Variants in CIMAP2 observed in about 807,000 individuals in gnomAD.
CIMAP2 encodes the protein ciliary microtubule-associated protein 2.
chr1:54,836,143 G>T, the CIMAP2 span, among the ~76,000 whole-genome samples: 1 of 151,998 alleles, frequency 6.6e-6, no homozygotes, highest in Non-Finnish European at 1.5e-5. Flanking sequence ...GGTGGTTGCC[G>T]TTGAGACTGT....
chr1:54,811,765 G>GCCGGGGGGGGGGGGGGGCCCC, the CIMAP2 span: 2 of 1,301,328 alleles, frequency 1.5e-6, no homozygotes, highest in East Asian at 2.5e-5. Context: ...GGTTCTGACA[G>GCCGGGGGGGGGGGGGGGCCCC]CCTCCATGCC....
At chr1:54,821,597 C>T in the CIMAP2 span, among the ~76,000 whole-genome samples, 2 of 152,034 alleles carry the variant, frequency 1.3e-5, no homozygotes, top group Non-Finnish European at 2.9e-5. Context: ...TTGCAGTTTC[C>T]ATTATAGAGG....
the CIMAP2 span, among the ~76,000 whole-genome samples, chr1:54,835,822 G>A: frequency 6.6e-6 from 1 of 151,732 alleles, no homozygotes; most frequent in Non-Finnish European, 1.5e-5. Context: ...GTCGGGCCCA[G>A]GACTTCTCTC....
chr1:54,841,988 C>A, the CIMAP2 span: 4 of 1,081,354 alleles, frequency 3.7e-6, no homozygotes, highest in Non-Finnish European at 4.1e-6. Context: ...GACACATGGG[C>A]TTGGGAGAGG....
the CIMAP2 span, among the ~76,000 whole-genome samples, chr1:54,831,123 G>A: frequency 1.3e-5 from 2 of 151,986 alleles, no homozygotes; most frequent in Admixed American, 6.6e-5. Flanking sequence ...AGACAATCAG[G>A]CATATTTCAT....
chr1:54,811,765 G>GGGGGGGGGGGGGGGCCCCCCC, the CIMAP2 span: 1 of 1,301,332 alleles, frequency 7.7e-7, no homozygotes, highest in Non-Finnish European at 1.1e-6. Context: ...GGTTCTGACA[G>GGGGGGGGGGGGGGGCCCCCCC]CCTCCATGCC....
chr1:54,811,833 A>G, the CIMAP2 span: 1 of 1,514,636 alleles, frequency 6.6e-7, no homozygotes. Context: ...GGAGAAGGGT[A>G]ACCCATACAC....
At chr1:54,825,610 C>G in the CIMAP2 span, among the ~76,000 whole-genome samples, 16 of 151,978 alleles carry the variant, frequency 1.1e-4, no homozygotes, top group Non-Finnish European at 2.9e-5. Flanking sequence ...TATGTCAGTC[C>G]TTGGGCCCCT....
the CIMAP2 span, chr1:54,817,020 C>A: frequency 6.2e-7 from 1 of 1,614,198 alleles, no homozygotes; most frequent in Non-Finnish European, 8.5e-7. Context: ...TACCTCAACA[C>A]CTGGCTGATG....
chr1:54,814,108 C>T, the CIMAP2 span: 20 of 1,171,962 alleles, frequency 1.7e-5, no homozygotes, highest in Non-Finnish European at 2.3e-6. Context: ...GTTTCCAATC[C>T]TGGTCTGGAA....
At chr1:54,807,912 CT>C in the CIMAP2 span, 1 of 1,604,590 alleles carries the variant, frequency 6.2e-7, no homozygotes, top group Admixed American at 1.7e-5. Flanking sequence ...GCCCCGGCTC[CT>C]ACAACCTCAA....
chr1:54,811,767 C>T, the CIMAP2 span: 2 of 1,088,170 alleles, frequency 1.8e-6, no homozygotes, highest in South Asian at 2.5e-5. Flanking sequence ...TTCTGACAGC[C>T]TCCATGCCCC....
At chr1:54,813,816 A>G in the CIMAP2 span, 2 of 1,587,488 alleles carry the variant, frequency 1.3e-6, no homozygotes, top group Admixed American at 3.8e-5. Flanking sequence ...TTTCTTAGAA[A>G]AAAAAGCCCA....
chr1:54,836,134 G>C, the CIMAP2 span, among the ~76,000 whole-genome samples: 1 of 152,040 alleles, frequency 6.6e-6, no homozygotes, highest in Non-Finnish European at 1.5e-5. Context: ...CAGAAGTCAG[G>C]TGGTTGCCGT....
chr1:54,841,805 AG>A, the CIMAP2 span: 1 of 1,576,750 alleles, frequency 6.3e-7, no homozygotes. Context: ...TTAAAGGGAA[AG>A]GATCACACCA....
chr1:54,807,948 G>T, the CIMAP2 span: 1 of 1,609,644 alleles, frequency 6.2e-7, no homozygotes, highest in African/African-American at 1.3e-5. Context: ...AGCTGCGGGA[G>T]AAACCATGTA....
At chr1:54,815,639 C>A in the CIMAP2 span, among the ~76,000 whole-genome samples, 1 of 152,152 alleles carries the variant, frequency 6.6e-6, no homozygotes, top group Non-Finnish European at 1.5e-5. Flanking sequence ...CAGCTAAATT[C>A]TTGGCCTTGG....
chr1:54,811,766 C>CGGGGGGGGGGGGGGGGGGGGG, the CIMAP2 span: 3 of 1,305,190 alleles, frequency 2.3e-6, no homozygotes, highest in Non-Finnish European at 3.2e-6. Context: ...GTTCTGACAG[C>CGGGGGGGGGGGGGGGGGGGGG]CTCCATGCCC....
chr1:54,816,908 C>G, the CIMAP2 span: 1 of 1,536,606 alleles, frequency 6.5e-7, no homozygotes, highest in Middle Eastern at 1.8e-4. Context: ...AGTAGGGAAG[C>G]GTCCAAGGGG....
Sources: allele counts gnomAD v4.1 joint callset (sites outside exome capture counted in the v4.1 genomes callset), GRCh38; gene constraint gnomAD v4.1.1; transcripts MANE v1.5; gene names NCBI Gene and HGNC (gene_info 2026-07-23, HGNC 2026-07-21).